Variants in JAK2 observed in about 807,000 individuals in gnomAD.
JAK2 encodes Janus kinase 2.
A neutral mutation model predicts 139.3 loss-of-function variants in JAK2; 86 were observed. The ratio of observed to expected loss-of-function variants is 0.62; its 90% CI spans 0.52 to 0.74. JAK2 has a LOEUF of 0.74. Ranked by LOEUF, JAK2 falls within the 30% of genes least tolerant of loss-of-function variation. The pLI, the probability that JAK2 is intolerant of heterozygous loss-of-function variation, is 0.00. For missense variants in JAK2, 1,421 were observed against 1,360.3 expected (o/e 1.04, Z -0.70); for synonymous variants, 490 against 437.7 (o/e 1.12, Z -1.49).
At chr9:5,021,867 A>C in intron 2 of JAK2, 96 bp from the exon 3 acceptor site, 1 of 655,738 alleles carries the variant, frequency 1.5e-6, no homozygotes. Flanking sequence ...TTCTGGGCTC[A>C]AGCTATCTGC....
Position 5,128,002 on chromosome 9 carries a change from A to AG in JAK2, c.*1215dup, listed in dbSNP as rs1824109348. On this transcript the variant is annotated 3_prime_UTR_variant, in exon 25 of 25. Transcript: ENST00000381652. Reference sequence around the variant, plus strand: ...TCTTAAATCTTTTCAATTAAGTATAAGGGGTTGTTCGTTGTTGTCATTTGT... The same window carrying AG: ...TCTTAAATCTTTTCAATTAAGTATAAGGGGGTTGTTCGTTGTTGTCATTTGT... 2 of 231,668 alleles carry AG rather than the reference A, an allele frequency of 8.6e-6. No individual in the cohort carries two copies. The highest frequency in any genetic ancestry group is 8.5e-6 in the Non-Finnish European group (1 of 117,174). 14.4% of individuals were successfully genotyped at this position (231,668 alleles called of 1,614,324 possible).
rs574737801 is a variant in JAK2 at position 5,048,304 on chromosome 9, G to T, written c.469-2382G>T. 1.2e-4 allele frequency among the ~76,000 whole-genome samples: 18 copies of T among 152,042 alleles called. 1 individual carries two copies. In the East Asian group the frequency reaches 3.5e-3, roughly 29 times the overall value. Reference sequence around the variant, plus strand: ...TTACAGGTGCCTGCCACTACGCCCGGCTAATTTTTTGTATTTTTAGTAGAG... The same window carrying T: ...TTACAGGTGCCTGCCACTACGCCCGTCTAATTTTTTGTATTTTTAGTAGAG... On this transcript the variant is annotated intron_variant, in intron 5 of 24. Coordinates refer to ENST00000381652, the MANE Select transcript of JAK2 (RefSeq NM_004972.4).
At chr9:5,109,144 A>G (rs1401595775) in intron 22 of JAK2, 1 of 152,140 alleles carries the variant, frequency 6.6e-6, no homozygotes, top group Non-Finnish European at 1.5e-5. Flanking sequence ...TACTCCCTAC[A>G]TGTACCAATC....
In JAK2 at chr9:5,018,384, G is replaced by A. The variant is rs1822205369; in HGVS notation, c.-25-3579G>A. Among the ~76,000 whole-genome samples, 3 of 152,138 alleles carry A rather than the reference G, an allele frequency of 2.0e-5. No homozygotes were observed. The South Asian group carries it at 6.2e-4, about 32-fold the overall frequency. ...TTGCTCTTGTTCTGTCCTCCAGGCTGGAGTGCAGTGGTGTGATCATGGCTC... is the reference window on the plus strand; with the variant it reads ...TTGCTCTTGTTCTGTCCTCCAGGCTAGAGTGCAGTGGTGTGATCATGGCTC... On this transcript the variant is annotated intron_variant, in intron 2 of 24. Transcript: ENST00000381652.
At chr9:5,093,533 A>C (rs1397329486) in intron 22 of JAK2, among the ~76,000 whole-genome samples, 1 of 152,202 alleles carries the variant, frequency 6.6e-6, no homozygotes, top group Non-Finnish European at 1.5e-5. Context: ...AGAAGACCCC[A>C]TGGCACTTTA....
intron 22 of JAK2, chr9:5,114,140 C>A: frequency 2.5e-6 from 1 of 394,172 alleles, no homozygotes; most frequent in South Asian, 2.4e-5. Flanking sequence ...AAGGTAACAC[C>A]TTTGAGGACA....
chr9:5,125,777 T>A (rs980292501), intron 23 of JAK2, among the ~76,000 whole-genome samples: 1 of 151,586 alleles, frequency 6.6e-6, no homozygotes, highest in African/African-American at 2.4e-5. Flanking sequence ...AGGGTGGGTA[T>A]GTATATATGT....
chr9:5,015,065 C>A (rs1015223812), intron 2 of JAK2, among the ~76,000 whole-genome samples: 1 of 152,092 alleles, frequency 6.6e-6, no homozygotes, highest in Non-Finnish European at 1.5e-5. Flanking sequence ...ACTGCTTTTG[C>A]AACATTGTAT....
chr9:5,065,651 A>G (rs562718463), intron 9 of JAK2, among the ~76,000 whole-genome samples: 36 of 152,344 alleles, frequency 2.4e-4, no homozygotes, highest in Middle Eastern at 6.8e-3. Context: ...TAACTATCAC[A>G]TTGGCTCACA....
chr9:5,020,423 G>A lies in JAK2; in HGVS notation c.-25-1540G>A, dbSNP rs118076359. ...CTCAGGCCCTCCAGTGGTGTTAGCAGGTGCTGTTTGTGGTGGGCAGGAGCA... is the reference window on the plus strand; with the variant it reads ...CTCAGGCCCTCCAGTGGTGTTAGCAAGTGCTGTTTGTGGTGGGCAGGAGCA... On this transcript the variant is annotated intron_variant, in intron 2 of 24. Transcript: ENST00000381652. 3.0e-4 allele frequency among the ~76,000 whole-genome samples: 46 copies of A among 152,298 alleles called. 1 individual carries two copies. In the East Asian group the frequency reaches 6.6e-3, roughly 22 times the overall value.
rs1427189646 is a variant in JAK2, at chr9:5,021,952, T to C, written c.-25-11T>C. The C allele has an allele frequency of 3.3e-6, 5 of 1,511,214 alleles. No homozygotes were observed. The highest frequency in any genetic ancestry group is 4.6e-6 in the Non-Finnish European group (5 of 1,088,802). 93.6% of individuals were successfully genotyped at this position (1,511,214 alleles called of 1,614,324 possible). On this transcript the variant is annotated splice_polypyrimidine_tract_variant and intron_variant, in intron 2 of 24. Coordinates refer to ENST00000381652, the MANE Select transcript of JAK2 (RefSeq NM_004972.4). ...CCAGCCCATTTGTAACTTTATTGTT[T>C]TCTCTTACAGGCAAATGTTCTGAAA...
chr9:5,085,599 A>G, intron 19 of JAK2: 1 of 697,368 alleles, frequency 1.4e-6, no homozygotes, highest in Non-Finnish European at 2.7e-6. Flanking sequence ...TAGATACTAC[A>G]GAAAGAATTA....
At chr9:5,002,231 T>C (rs1820966742) in intron 2 of JAK2, among the ~76,000 whole-genome samples, 1 of 151,924 alleles carries the variant, frequency 6.6e-6, no homozygotes, top group African/African-American at 2.4e-5. Flanking sequence ...CCTAGGAAGC[T>C]TACATAATTA....
intron 5 of JAK2, 24 bp downstream of exon 5, chr9:5,044,544 T>G (rs1029527222): frequency 7.6e-7 from 1 of 1,315,396 alleles, no homozygotes; most frequent in East Asian, 2.3e-5. Flanking sequence ...ATCTTACTTG[T>G]ACATGAGTTA....
chr9:5,055,776 T>C lies in JAK2; in HGVS notation c.1044T>C (p.Asp348=), dbSNP rs1215967751. 6 of 1,610,520 alleles carry C rather than the reference T, an allele frequency of 3.7e-6. No individual in the cohort carries two copies. In the South Asian group the frequency reaches 4.4e-5, roughly 12 times the overall value. The change falls in exon 8 of 25, where the codon GAT becomes GAC. Residue 348 remains aspartate (D), a synonymous_variant. Transcript: ENST00000381652. ...GAGTTGTAACTATCCATAAGCAAGA[T>C]GGTAAAAATCTGGTAAGTTTGCTTT... is the stretch of plus-strand genomic sequence containing the variant. The part of the protein sequence containing the change: ...ESRVVTIHKQ[D]GKNLEIELSS...
rs143940122 is a variant in JAK2 at position 5,119,978 on chromosome 9, A to G, written c.3060-3026A>G. ...TTTGAGCTAACTTATTGAATAATAAACACTGTCTTAGTCCCTTTATGCTGC... is the reference window on the plus strand; with the variant it reads ...TTTGAGCTAACTTATTGAATAATAAGCACTGTCTTAGTCCCTTTATGCTGC... On this transcript the variant is annotated intron_variant, in intron 22 of 24. Transcript: ENST00000381652. Among the ~76,000 whole-genome samples, 716 of 152,332 alleles carry G rather than the reference A, an allele frequency of 4.7e-3. 9 individuals are homozygous for G. Among genetic ancestry groups the G allele is most frequent in the African/African-American group, 0.016 (673 of 41,574 alleles).
chr9:5,069,964 C>A lies in JAK2; in HGVS notation c.1553C>A (p.Ser518Tyr). 6.2e-7 allele frequency: 1 copy of A among 1,606,002 alleles called. No homozygotes were observed. Among genetic ancestry groups the A allele is most frequent in the Non-Finnish European group, 8.5e-7 (1 of 1,174,172 alleles). Residue 518 changes from serine (S) to tyrosine (Y), a missense_variant, in exon 12 of 25, where the codon TCT (serine) becomes TAT (tyrosine). Transcript: ENST00000381652. ...CTAGTCTTCAGAACGAATGGTGTTT[C>A]TGATGTACCAACCTCACCAACATTA... Reference protein sequence around the residue: ...NLLVFRTNGVSDVPTSPTLQR... With the variant: ...NLLVFRTNGVYDVPTSPTLQR...
intron 22 of JAK2, among the ~76,000 whole-genome samples, chr9:5,119,154 A>G (rs1168138353): frequency 6.6e-6 from 1 of 152,188 alleles, no homozygotes; most frequent in Non-Finnish European, 1.5e-5. Context: ...AATGTCCTTC[A>G]TACAACCCAT....
Position 5,127,261 on chromosome 9 carries a change from GTTAATCTATA to G in JAK2, c.*471_*480del, listed in dbSNP as rs1292370517. The G allele has an allele frequency of 4.3e-6, 1 of 232,196 alleles. No individual in the cohort carries two copies. Among genetic ancestry groups the G allele is most frequent in the East Asian group, 6.1e-5 (1 of 16,528 alleles). 14.4% of individuals were successfully genotyped at this position (232,196 alleles called of 1,614,324 possible). A position where few individuals can be genotyped will look rare whatever the true frequency, so the allele number is the denominator to read the frequency against. On this transcript the variant is annotated 3_prime_UTR_variant, in exon 25 of 25. Coordinates refer to ENST00000381652, the MANE Select transcript of JAK2 (RefSeq NM_004972.4). Reference sequence around the variant, plus strand: ...AATACTGTTTTCTAATTTTTCCATAGTTAATCTATAATTAATTACTTCACTATACAAACAA... The same window carrying G: ...AATACTGTTTTCTAATTTTTCCATAGATTAATTACTTCACTATACAAACAA...
Sources: allele counts gnomAD v4.1 joint callset (sites outside exome capture counted in the v4.1 genomes callset), GRCh38; gene constraint gnomAD v4.1.1; transcripts MANE v1.5; gene names NCBI Gene and HGNC (gene_info 2026-07-23, HGNC 2026-07-21).